Variants in NLRP8 observed in about 807,000 individuals in gnomAD.
NLRP8 encodes the protein NLR family pyrin domain containing 8, also known as NACHT, LRR and PYD domains-containing protein 8.
A neutral mutation model predicts 88.7 loss-of-function variants in NLRP8; 86 were observed. The observed-to-expected ratio is 0.97, with a 90% CI of 0.81 to 1.16. The LOEUF (loss-of-function observed/expected upper bound fraction) is 1.16, where lower values mean the gene tolerates loss of function less well. Among genes scored for constraint, NLRP8 ranks in the 50% most tolerant of loss-of-function variants. NLRP8 has a pLI of 0.00. For synonymous variants in NLRP8, 504 were observed against 494.6 expected, an observed-to-expected ratio of 1.02 and a Z score of -0.25; for missense variants, 1,342 against 1,286.5, an observed-to-expected ratio of 1.04 and a Z score of -0.66.
At chr19:55,952,800 C>T (rs1386155444) in intron 2 of NLRP8, among the ~76,000 whole-genome samples, 188 bp downstream of exon 2, 1 of 152,124 alleles carries the variant, frequency 6.6e-6, no homozygotes, top group Non-Finnish European at 1.5e-5. Flanking sequence ...GTGGCAGTTG[C>T]CTGTAGTCCC....
At chr19:55,957,714 TATATATATATAAAA>T (rs1568461008) in intron 3 of NLRP8, among the ~76,000 whole-genome samples, 18 of 60,770 alleles carry the variant, frequency 3.0e-4, no homozygotes, top group African/African-American at 9.6e-4. Flanking sequence ...TATATATATA[TATATATATATAAAA>T]TAAGGTTGTT....
chr19:55,975,140 C>T (rs1980252727), intron 7 of NLRP8, among the ~76,000 whole-genome samples: 2 of 152,174 alleles, frequency 1.3e-5, no homozygotes, highest in South Asian at 2.1e-4. Context: ...CCATAACCAT[C>T]GAATCCCCTC....
chr19:55,984,932 G>C (rs1452586881), intron 9 of NLRP8, among the ~76,000 whole-genome samples: 3 of 152,172 alleles, frequency 2.0e-5, no homozygotes, highest in Admixed American at 2.0e-4. Flanking sequence ...TTCCTTGGCT[G>C]TATGCATAAA....
chr19:55,970,902 G>C (rs568176513), intron 6 of NLRP8, among the ~76,000 whole-genome samples: 1 of 152,036 alleles, frequency 6.6e-6, no homozygotes, highest in East Asian at 1.9e-4. Context: ...ATAAAAGTAC[G>C]GATTTATACC....
At chr19:55,962,003 G>A in intron 3 of NLRP8, 64 bp from the exon 4 acceptor site, 6 of 1,558,004 alleles carry the variant, frequency 3.9e-6, no homozygotes, top group South Asian at 2.4e-5. Flanking sequence ...CAGCCCTGGG[G>A]TTTCCTAGTA....
At chr19:55,983,745 A>C (rs574693717) in intron 9 of NLRP8, among the ~76,000 whole-genome samples, 1 of 144,834 alleles carries the variant, frequency 6.9e-6, no homozygotes, top group Non-Finnish European at 1.5e-5. Context: ...GCAGGGCCTC[A>C]GTGACATGAC....
intron 6 of NLRP8, among the ~76,000 whole-genome samples, chr19:55,971,038 A>G (rs1980051895): frequency 6.6e-6 from 1 of 152,060 alleles, no homozygotes; most frequent in South Asian, 2.1e-4. Flanking sequence ...CCCCACTGTG[A>G]TGACATATTG....
At position 55,962,122 on chromosome 19, in the gene NLRP8, G is replaced by A; in HGVS notation, c.2098G>A (p.Ala700Thr). ...GTGGCAAGACTTATGCTCTGTGTTT[G>A]CAACGAATGATAAGCTGGAAGTCCT... Residue 700 changes from alanine to threonine, a missense_variant, in exon 4 of 10, where the codon GCA becomes ACA. Transcript: ENST00000291971. 1 of 1,614,218 alleles carries A rather than the reference G, an allele frequency of 6.2e-7. No individual in the cohort carries two copies. Among genetic ancestry groups the A allele is most frequent in the Non-Finnish European group, 8.5e-7 (1 of 1,180,038 alleles).
chr19:55,958,698 C>A (rs1363572558), intron 3 of NLRP8, among the ~76,000 whole-genome samples: 6 of 152,164 alleles, frequency 3.9e-5, no homozygotes, highest in Non-Finnish European at 8.8e-5. Context: ...CCTGCTCTAG[C>A]ATATATTTTT....
chr19:55,952,779 A>G (rs1337088996), intron 2 of NLRP8, among the ~76,000 whole-genome samples, 167 bp downstream of exon 2: 4 of 152,270 alleles, frequency 2.6e-5, no homozygotes, highest in Admixed American at 2.0e-4. Flanking sequence ...CACAGAAACT[A>G]GCCGGGCGTG....
intron 7 of NLRP8, among the ~76,000 whole-genome samples, chr19:55,974,100 G>C (rs1275765931): frequency 6.7e-6 from 1 of 149,950 alleles, no homozygotes; most frequent in Non-Finnish European, 1.5e-5. Flanking sequence ...GGAATATTGA[G>C]ATCTATCTGT....
chr19:55,979,910 C>A (rs1449399821), intron 9 of NLRP8, among the ~76,000 whole-genome samples: 1 of 152,178 alleles, frequency 6.6e-6, no homozygotes, highest in Non-Finnish European at 1.5e-5. Flanking sequence ...CAGAGTGAGA[C>A]CCTGTCTCTT....
At chr19:55,971,667 G>GCACACA (rs34879508) in intron 6 of NLRP8, among the ~76,000 whole-genome samples, 3 of 150,812 alleles carry the variant, frequency 2.0e-5, no homozygotes, top group East Asian at 3.9e-4. Flanking sequence ...ACACACACAC[G>GCACACA]CACACACACA....
chr19:55,957,677 ATATATATAT>A (rs1451616833), intron 3 of NLRP8, among the ~76,000 whole-genome samples: 519 of 11,952 alleles, frequency 0.043, 16 homozygotes, highest in Middle Eastern at 0.17. Flanking sequence ...TAATAATTAT[ATATATATAT>A]ATATATATAT....
chr19:55,955,910 G>T lies in NLRP8; in HGVS notation c.1852G>T (p.Glu618Ter). 6.2e-7 allele frequency: 1 copy of T among 1,614,180 alleles called. No individual in the cohort carries two copies. The highest frequency in any genetic ancestry group is 1.1e-5 in the South Asian group (1 of 91,086). The change falls in exon 3 of 10, where the codon GAG becomes TAG. Residue 618 changes from glutamate (E) to a stop codon, truncating the protein, a stop_gained. Coordinates refer to ENST00000291971, the MANE Select transcript of NLRP8 (RefSeq NM_176811.2). LOFTEE classifies it high-confidence loss of function. The stretch of plus-strand genomic sequence containing the variant: ...ATTCTACTGTCTGCATGAAATCCGG[G>T]AGGAAGCCTTTGTAAGCCAAGCCCT...
chr19:55,955,724 G>C lies in NLRP8; in HGVS notation c.1666G>C (p.Gly556Arg). ...AAGCAAAAGCTATCTCTCTCACATG[G>C]GACTTTTCTTATTCGGTTTTCTGAA... The change falls in exon 3 of 10, where the codon GGA becomes CGA. Residue 556 changes from glycine to arginine, a missense_variant. Coordinates refer to ENST00000291971, the MANE Select transcript of NLRP8 (RefSeq NM_176811.2). The C allele has an allele frequency of 5.0e-6, 8 of 1,614,068 alleles. No individual in the cohort carries two copies. Among genetic ancestry groups the C allele is most frequent in the Non-Finnish European group, 6.8e-6 (8 of 1,179,924 alleles).
chr19:55,957,940 T>A (rs1350042640), intron 3 of NLRP8, among the ~76,000 whole-genome samples: 1 of 152,072 alleles, frequency 6.6e-6, no homozygotes, highest in Non-Finnish European at 1.5e-5. Context: ...TTTCTTCATA[T>A]TGGTTGATAT....
chr19:55,986,319 C>T (rs1368190021), intron 9 of NLRP8, among the ~76,000 whole-genome samples: 5 of 145,318 alleles, frequency 3.4e-5, no homozygotes, highest in Non-Finnish European at 7.5e-5. Context: ...CAGTCTCTCA[C>T]ACACACACAC....
At chr19:55,965,059 T>C (rs1979778704) in intron 4 of NLRP8, among the ~76,000 whole-genome samples, 1 of 151,844 alleles carries the variant, frequency 6.6e-6, no homozygotes, top group Non-Finnish European at 1.5e-5. Flanking sequence ...GCTGAGCCAG[T>C]AGGATCACTT....
Sources: gnomAD v4.1 joint callset for allele counts (sites outside exome capture counted in the v4.1 genomes callset) on GRCh38, gnomAD v4.1.1 for gene constraint, MANE v1.5 for transcripts, NCBI Gene and HGNC (gene_info 2026-07-23, HGNC 2026-07-21) for gene names.